Variants in RIMS1 observed in about 807,000 individuals in gnomAD.
RIMS1 encodes regulating synaptic membrane exocytosis protein 1.
Under a neutral mutation model 214.1 loss-of-function variants are expected in RIMS1, and 83 were observed. That is an observed-to-expected ratio of 0.39 (90% CI 0.32 to 0.47). The LOEUF (loss-of-function observed/expected upper bound fraction) is 0.47, where lower values mean the gene tolerates loss of function less well. RIMS1 is among the 20% of genes least tolerant of loss of function. RIMS1 has a pLI of 0.99. For synonymous variants in RIMS1, 793 were observed against 786.8 expected (o/e 1.01, Z -0.13); for missense variants, 2,050 against 2,161.8 (o/e 0.95, Z 1.03).
intron 4 of RIMS1, among the ~76,000 whole-genome samples, chr6:72,139,395 A>T (rs2041812421): frequency 6.6e-6 from 1 of 152,180 alleles, no homozygotes; most frequent in South Asian, 2.1e-4. Flanking sequence ...CTCATTTGGC[A>T]TCTCATCAAA....
chr6:72,144,259 T>C (rs1414350573), intron 4 of RIMS1, among the ~76,000 whole-genome samples: 1 of 152,224 alleles, frequency 6.6e-6, no homozygotes, highest in Non-Finnish European at 1.5e-5. Context: ...AATGCCTCAA[T>C]GGTTCTGAAT....
rs935347034 is a variant in RIMS1 at position 72,251,310 on chromosome 6, A to G, written c.2640A>G (p.Pro880=). 7 of 1,600,666 alleles carry G rather than the reference A, an allele frequency of 4.4e-6. No homozygotes were observed. The highest frequency in any genetic ancestry group is 6.0e-6 in the Non-Finnish European group (7 of 1,173,142). The change falls in exon 15 of 34, where the codon CCA becomes CCG. Residue 880 remains proline (P), a synonymous_variant. Coordinates refer to ENST00000521978, the MANE Select transcript of RIMS1 (RefSeq NM_014989.7). The part of the protein sequence containing the change: ...HDESSLPLPQ[P]SPFMPRRHIH... ...AGTCTTCACTACCTCTGCCTCAGCC[A>G]TCACCTTTCATGCCAAGGCGACATA...
chr6:72,251,135 T>A, intron 14 of RIMS1, 43 bp downstream of exon 14: 7 of 1,553,548 alleles, frequency 4.5e-6, no homozygotes, highest in Non-Finnish European at 6.1e-6. Flanking sequence ...GTTAATAAAG[T>A]TTTGTGATAT....
intron 24 of RIMS1, among the ~76,000 whole-genome samples, chr6:72,287,943 A>G (rs1310105924): frequency 6.6e-6 from 1 of 152,218 alleles, no homozygotes; most frequent in Non-Finnish European, 1.5e-5. Context: ...TATTTGTTAA[A>G]TACCATTGTC....
chr6:72,150,866 T>C (rs2043461056), intron 4 of RIMS1, among the ~76,000 whole-genome samples: 2 of 152,188 alleles, frequency 1.3e-5, no homozygotes, highest in South Asian at 4.1e-4. Flanking sequence ...GATTATATTG[T>C]GCCATTTGAT....
chr6:72,306,681 G>A (rs998748757), intron 26 of RIMS1, among the ~76,000 whole-genome samples: 1 of 152,172 alleles, frequency 6.6e-6, no homozygotes, highest in Non-Finnish European at 1.5e-5. Flanking sequence ...GGAATAGTGA[G>A]CTAATCTTTT....
intron 10 of RIMS1, among the ~76,000 whole-genome samples, chr6:72,244,610 T>A (rs1472598961): frequency 6.6e-6 from 1 of 151,876 alleles, no homozygotes; most frequent in African/African-American, 2.4e-5. Context: ...TATAGTTTTT[T>A]CTGTGTTTTG....
At chr6:72,193,464 A>G (rs2050378618) in intron 6 of RIMS1, among the ~76,000 whole-genome samples, 1 of 152,238 alleles carries the variant, frequency 6.6e-6, no homozygotes, top group South Asian at 2.1e-4. Context: ...ACAAAATGAA[A>G]CACAAAGAGC....
chr6:72,374,729 A>G (rs1265229639), intron 29 of RIMS1, among the ~76,000 whole-genome samples: 1 of 152,204 alleles, frequency 6.6e-6, no homozygotes, highest in Non-Finnish European at 1.5e-5. Context: ...GGATGATTTC[A>G]GGATGATTAA....
chr6:71,930,593 A>T (rs1028252062), intron 1 of RIMS1, among the ~76,000 whole-genome samples: 2 of 151,554 alleles, frequency 1.3e-5, no homozygotes, highest in Non-Finnish European at 3.0e-5. Context: ...GGCTCCTTTA[A>T]TTTCTTTTCT....
intron 2 of RIMS1, among the ~76,000 whole-genome samples, chr6:72,013,623 A>G (rs943716795): frequency 1.3e-5 from 2 of 152,214 alleles, no homozygotes; most frequent in Admixed American, 1.3e-4. Flanking sequence ...TTATAAGGCT[A>G]GGTCTGTCAT....
chr6:72,135,070 T>C (rs13198395), intron 4 of RIMS1, among the ~76,000 whole-genome samples: 3 of 152,132 alleles, frequency 2.0e-5, no homozygotes, highest in African/African-American at 7.2e-5. Context: ...AACACATATA[T>C]AAACACCTCA....
chr6:72,191,346 G>T (rs2050039258), intron 6 of RIMS1, among the ~76,000 whole-genome samples: 1 of 152,128 alleles, frequency 6.6e-6, no homozygotes, highest in Non-Finnish European at 1.5e-5. Context: ...CCACACCACA[G>T]GACCCCTAGA....
At chr6:72,203,922 A>AT (rs200087558) in intron 6 of RIMS1, among the ~76,000 whole-genome samples, 7 of 151,796 alleles carry the variant, frequency 4.6e-5, no homozygotes, top group Middle Eastern at 3.4e-3. Flanking sequence ...TCCCATGAGA[A>AT]TTTTTTTTTG....
intron 29 of RIMS1, among the ~76,000 whole-genome samples, chr6:72,362,241 T>A (rs1264138977): frequency 4.6e-5 from 7 of 152,186 alleles, no homozygotes; most frequent in Non-Finnish European, 5.9e-5. Context: ...CAATTTAATT[T>A]AGGATGAAGT....
rs538299495 is a variant in RIMS1 at position 72,162,380 on chromosome 6, C to T, written c.472-17195C>T. ...TGTCTTTTAATTGGAGCATTTAGCC[C>T]ATTGACATTTAAGGTTAATATTGTT... On this transcript the variant is annotated intron_variant, in intron 4 of 33. Transcript: ENST00000521978. Among the ~76,000 whole-genome samples the T allele has an allele frequency of 2.8e-5, 4 of 140,856 alleles. 1 individual carries two copies. The South Asian group carries it at 9.4e-4, about 33-fold the overall frequency. 92.4% of individuals were successfully genotyped at this position (140,856 alleles called of 152,430 possible).
At chr6:72,199,568 A>G (rs1489973931) in intron 6 of RIMS1, among the ~76,000 whole-genome samples, 2 of 152,100 alleles carry the variant, frequency 1.3e-5, no homozygotes, top group Non-Finnish European at 2.9e-5. Context: ...ACTGACAGAT[A>G]TGGGAGTTGA....
chr6:72,365,889 G>A (rs971579557), intron 29 of RIMS1: 7 of 152,178 alleles, frequency 4.6e-5, no homozygotes, highest in Admixed American at 2.6e-4. Flanking sequence ...GCTTACACAC[G>A]TTTGAAGAAG....
chr6:71,932,672 A>G (rs1028387), intron 1 of RIMS1, among the ~76,000 whole-genome samples: 55,624 of 151,908 alleles, frequency 0.37, 10,430 homozygotes, highest in East Asian at 0.46. Flanking sequence ...ACTGTGCACT[A>G]TGTTGCTCAC....
Sources: gnomAD v4.1 joint callset for allele counts (sites outside exome capture counted in the v4.1 genomes callset) on GRCh38, gnomAD v4.1.1 for gene constraint, MANE v1.5 for transcripts, NCBI Gene and HGNC (gene_info 2026-07-23, HGNC 2026-07-21) for gene names.